SFXN5: variants seen among roughly 807,000 people sequenced by gnomAD.
SFXN5 encodes sideroflexin 5.
A neutral mutation model predicts 50.2 loss-of-function variants in SFXN5; 43 were observed. The observed-to-expected ratio is 0.86, with a 90% CI of 0.67 to 1.11. SFXN5 has a LOEUF of 1.11. SFXN5 is among the 50% of genes least tolerant of loss of function. The pLI, the probability that SFXN5 is intolerant of heterozygous loss-of-function variation, is 0.00. For synonymous variants in SFXN5, 203 were observed against 185.8 expected (o/e 1.09, Z -0.75); for missense variants, 463 against 454.1 (o/e 1.02, Z -0.18).
chr2:73,022,681 A>G, intron 4 of SFXN5, 105 bp from the exon 5 acceptor site: 1 of 727,188 alleles, frequency 1.4e-6, no homozygotes, highest in Admixed American at 2.1e-5. Context: ...TAGGGGAGGA[A>G]GAAGGGAAGA....
Position 73,064,605 on chromosome 2 carries a change from C to G in SFXN5, c.103-6009G>C, listed in dbSNP as rs78291926. Among the ~76,000 whole-genome samples, 298 of 152,258 alleles carry G rather than the reference C, an allele frequency of 2.0e-3. 3 individuals are homozygous for G. The East Asian group carries it at 0.038, about 19-fold the overall frequency. On this transcript the variant is annotated intron_variant, in intron 1 of 13. Coordinates refer to ENST00000272433, the MANE Select transcript of SFXN5 (RefSeq NM_144579.3). ...GACATATCCCCCCTGCCTCCCAACT[C>G]TCAGCCCACACAAATCTCCCAACCT...
At chr2:73,067,555 T>G (rs535883618) in intron 1 of SFXN5, among the ~76,000 whole-genome samples, 66 of 152,330 alleles carry the variant, frequency 4.3e-4, no homozygotes, top group Non-Finnish European at 8.7e-4. Context: ...TTCTCTAAAA[T>G]TATTCCAAAA....
At chr2:72,954,882 C>A (rs994786379) in intron 13 of SFXN5, among the ~76,000 whole-genome samples, 14 of 152,220 alleles carry the variant, frequency 9.2e-5, no homozygotes, top group Admixed American at 7.8e-4. Context: ...GTTTTCACTT[C>A]CCTAATCCTA....
chr2:72,982,070 CCT>C (rs1470236418), intron 10 of SFXN5, among the ~76,000 whole-genome samples: 1 of 152,042 alleles, frequency 6.6e-6, no homozygotes, highest in Non-Finnish European at 1.5e-5. Flanking sequence ...ATGTGCCACC[CCT>C]GATTGGGGCA....
chr2:72,957,891 A>C (rs1673287027), intron 13 of SFXN5, among the ~76,000 whole-genome samples: 1 of 152,258 alleles, frequency 6.6e-6, no homozygotes, highest in African/African-American at 2.4e-5. Context: ...CCCTTCCCAG[A>C]GGAACAAAGA....
chr2:73,070,093 G>C (rs1559226431), intron 1 of SFXN5, among the ~76,000 whole-genome samples: 1 of 152,220 alleles, frequency 6.6e-6, no homozygotes, highest in Non-Finnish European at 1.5e-5. Context: ...GAGAAGAAGG[G>C]AGCAAGTGTT....
chr2:73,058,438 C>T (rs1682412742), intron 2 of SFXN5, 90 bp downstream of exon 2: 3 of 1,255,058 alleles, frequency 2.4e-6, no homozygotes, highest in Non-Finnish European at 3.5e-6. Flanking sequence ...TCTTCACTCC[C>T]CCATCCTCAC....
At chr2:72,999,201 A>T (rs1673611503) in intron 8 of SFXN5, among the ~76,000 whole-genome samples, 187 bp from the exon 9 acceptor site, 1 of 152,138 alleles carries the variant, frequency 6.6e-6, no homozygotes, top group Non-Finnish European at 1.5e-5. Flanking sequence ...CAGAAATATA[A>T]ATCACCAGTA....
At chr2:73,046,252 T>C (rs895805939) in intron 2 of SFXN5, among the ~76,000 whole-genome samples, 4 of 151,264 alleles carry the variant, frequency 2.6e-5, no homozygotes, top group Non-Finnish European at 4.4e-5. Context: ...CTACTGAAAA[T>C]ACAAAACTTA....
Position 73,033,172 on chromosome 2 carries a change from T to G in SFXN5, c.249+7682A>C, listed in dbSNP as rs532251994. Among the ~76,000 whole-genome samples, 3 of 152,348 alleles carry G rather than the reference T, an allele frequency of 2.0e-5. No individual in the cohort carries two copies. The South Asian group carries it at 6.2e-4, about 32-fold the overall frequency. ...ATGAGGATGTGAATATTTTCAAGGT[T>G]ATTGTGAAAATTAATAATTAATTTA... On this transcript the variant is annotated intron_variant, in intron 3 of 13. Transcript: ENST00000272433.
At chr2:73,001,239 A>C (rs1474629417) in intron 7 of SFXN5, among the ~76,000 whole-genome samples, 1 of 152,230 alleles carries the variant, frequency 6.6e-6, no homozygotes, top group African/African-American at 2.4e-5. Context: ...GGGCCACCCC[A>C]CTGACAAGCC....
chr2:72,973,411 G>C lies in SFXN5; in HGVS notation c.626-1726C>G, dbSNP rs1670259997. ...TTCAGTGATTGTGATCTAGGGGTCA[G>C]GGGTTGCTGCAGGCATCTGGTGGAT... is the stretch of plus-strand genomic sequence containing the variant. On this transcript the variant is annotated intron_variant, in intron 10 of 13. Coordinates refer to ENST00000272433, the MANE Select transcript of SFXN5 (RefSeq NM_144579.3). The surrounding 1 kb of genome is among the most constrained non-coding windows in gnomAD (Gnocchi z 5.5). 1 of 169,232 alleles carries C rather than the reference G, an allele frequency of 5.9e-6. No individual in the cohort carries two copies. Among genetic ancestry groups the C allele is most frequent in the African/African-American group, 2.4e-5 (1 of 41,522 alleles). The allele number at this position is 169,232 out of a possible 1,614,324, so 10.5% of individuals were successfully genotyped here. A position where few individuals can be genotyped will look rare whatever the true frequency, so the allele number is the denominator to read the frequency against.
At position 72,953,486 on chromosome 2, in the gene SFXN5, A is replaced by G. The variant is rs1672757680; in HGVS notation, c.945+7645T>C. Among the ~76,000 whole-genome samples, 1 of 152,196 alleles carries G rather than the reference A, an allele frequency of 6.6e-6. No homozygotes were observed. Among genetic ancestry groups the G allele is most frequent in the Non-Finnish European group, 1.5e-5 (1 of 68,038 alleles). On this transcript the variant is annotated intron_variant, in intron 13 of 13. Coordinates refer to ENST00000272433, the MANE Select transcript of SFXN5 (RefSeq NM_144579.3). The surrounding 1 kb of genome is among the most constrained non-coding windows in gnomAD (Gnocchi z 4.1). ...TCTCTGGCCTCGCATCAACCCTGGA[A>G]GAGTGGGAGAAGCAGGGACCAACAA...
chr2:73,008,522 G>A lies in SFXN5; in HGVS notation c.358-6944C>T, dbSNP rs111566382. Among the ~76,000 whole-genome samples, 9 of 152,308 alleles carry A rather than the reference G, an allele frequency of 5.9e-5. 1 individual carries two copies. Among genetic ancestry groups the A allele is most frequent in the African/African-American group, 2.2e-4 (9 of 41,576 alleles). ...GAGGGCGCAGGAGCAGAGGAGAAAT[G>A]GAGAGGGCAGGCAGGACGAGGGCCG... On this transcript the variant is annotated intron_variant, in intron 6 of 13. Coordinates refer to ENST00000272433, the MANE Select transcript of SFXN5 (RefSeq NM_144579.3).
At chr2:73,070,539 C>G (rs1683503709) in intron 1 of SFXN5, 1 of 152,390 alleles carries the variant, frequency 6.6e-6, no homozygotes, top group Non-Finnish European at 1.5e-5. Flanking sequence ...AGCCCCGGTT[C>G]ACTTCAGCGG....
At position 72,961,144 on chromosome 2, in the gene SFXN5, G is replaced by A. The variant is rs778112444; in HGVS notation, c.932C>T (p.Pro311Leu). Residue 311 changes from proline (P) to leucine (L), a missense_variant, in exon 13 of 14, where the codon CCG becomes CTG. Pro to Leu is a moderately conservative substitution (Grantham distance 98, BLOSUM62 -3). Transcript: ENST00000272433. This position sits in a 1 kb window ranked among gnomAD's most constrained non-coding sequence, Gnocchi z 4.4. Reference protein sequence around the residue: ...LALPLAISLFPQMSEIETSQL... With the variant: ...LALPLAISLFLQMSEIETSQL... ...CTCCCCACTGACCTCTGACATTTGC[G>A]GGAAGAGGCTGATGGCCAGCGGCAG... 6.1e-5 allele frequency: 97 copies of A among 1,584,138 alleles called. No individual in the cohort carries two copies. Among genetic ancestry groups the A allele is most frequent in the Non-Finnish European group, 7.6e-5 (89 of 1,166,900 alleles).
intron 13 of SFXN5, among the ~76,000 whole-genome samples, chr2:72,959,338 C>A (rs919849917): frequency 6.6e-6 from 1 of 152,112 alleles, no homozygotes; most frequent in South Asian, 2.1e-4. Flanking sequence ...TCACCCCCAA[C>A]CTGACAAAAC....
intron 1 of SFXN5, among the ~76,000 whole-genome samples, chr2:73,064,291 T>C (rs528110708): frequency 4.1e-4 from 63 of 152,380 alleles, no homozygotes; most frequent in African/African-American, 1.5e-3. Context: ...GCCAGCCCAG[T>C]AGTCCTGAAT....
rs572676054 is a variant in SFXN5 at position 73,023,603 on chromosome 2, T to C, written c.250-389A>G. On this transcript the variant is annotated intron_variant, in intron 3 of 13. Coordinates refer to ENST00000272433, the MANE Select transcript of SFXN5 (RefSeq NM_144579.3). ...TACTTCAATTGTCTCCCAGAATCACTAGTGACAGCATAATATAATTTTTTC... is the reference window on the plus strand; with the variant it reads ...TACTTCAATTGTCTCCCAGAATCACCAGTGACAGCATAATATAATTTTTTC... Among the ~76,000 whole-genome samples the C allele has an allele frequency of 3.3e-5, 5 of 152,338 alleles. No homozygotes were observed. The South Asian group carries it at 8.3e-4, about 25-fold the overall frequency.
Sources: allele counts gnomAD v4.1 joint callset (sites outside exome capture counted in the v4.1 genomes callset), GRCh38; gene constraint gnomAD v4.1.1; non-coding constraint Gnocchi (gnomAD v3.1); transcripts MANE v1.5; gene names NCBI Gene and HGNC (gene_info 2026-07-23, HGNC 2026-07-21).